ABL1: variants seen among roughly 807,000 people sequenced by gnomAD.
The protein encoded by ABL1 is tyrosine-protein kinase ABL1.
A neutral mutation model predicts 94.7 loss-of-function variants in ABL1; 11 were observed. That is an observed-to-expected ratio of 0.12 (90% CI 0.07 to 0.19). The LOEUF (loss-of-function observed/expected upper bound fraction) is 0.19. ABL1 is among the 10% of genes least tolerant of loss of function. The probability of loss-of-function intolerance (pLI) is 1.00; values close to 1 mark genes in which losing one functional copy is unlikely to be tolerated. For missense variants in ABL1, 1,082 were observed against 1,489.4 expected, an observed-to-expected ratio of 0.73 and a Z score of 4.50; for synonymous variants, 656 against 622.4, an observed-to-expected ratio of 1.05 and a Z score of -0.80.
chr9:130,809,651 C>A (rs369949689), intron 1 of ABL1, among the ~76,000 whole-genome samples: 4 of 152,220 alleles, frequency 2.6e-5, no homozygotes, highest in Admixed American at 2.6e-4. Flanking sequence ...TGTCCCAGTT[C>A]GAAGGCAGTT....
chr9:130,875,445 C>A (rs1420246627), intron 7 of ABL1, among the ~76,000 whole-genome samples: 2 of 132,070 alleles, frequency 1.5e-5, no homozygotes, highest in Admixed American at 1.4e-4. Flanking sequence ...GCACAGCCAC[C>A]CTTTTTTTTT....
At chr9:130,883,605 G>A (rs1280297397) in intron 10 of ABL1, among the ~76,000 whole-genome samples, 17 of 152,044 alleles carry the variant, frequency 1.1e-4, no homozygotes, top group Admixed American at 1.1e-3. Context: ...CTTGAAGGCA[G>A]CAGCCCCCCA....
intron 1 of ABL1, among the ~76,000 whole-genome samples, chr9:130,745,527 C>T (rs1831877880): frequency 6.6e-6 from 1 of 151,538 alleles, no homozygotes; most frequent in African/African-American, 2.4e-5. Flanking sequence ...CTCCTGGTCT[C>T]TCTCTCCCTC....
chr9:130,854,319 G>A (rs955943129), intron 2 of ABL1, 82 bp downstream of exon 2: 16 of 1,474,014 alleles, frequency 1.1e-5, no homozygotes, highest in African/African-American at 7.0e-5. Context: ...CCCTTTGCTC[G>A]TTAAAGGAGC....
chr9:130,883,575 T>C (rs1831504828), intron 10 of ABL1, among the ~76,000 whole-genome samples: 1 of 151,328 alleles, frequency 6.6e-6, no homozygotes, highest in Admixed American at 6.6e-5. Context: ...CCCTGGCCTC[T>C]TCATCCCTGC....
intron 1 of ABL1, among the ~76,000 whole-genome samples, chr9:130,815,468 A>T (rs1439313576): frequency 7.2e-5 from 11 of 151,778 alleles, no homozygotes; most frequent in Non-Finnish European, 1.0e-4. Context: ...ATCTTCCTTG[A>T]CTCTTCTTTT....
chr9:130,791,800 A>T (rs1829911460), intron 1 of ABL1, among the ~76,000 whole-genome samples: 1 of 152,018 alleles, frequency 6.6e-6, no homozygotes, highest in African/African-American at 2.4e-5. Flanking sequence ...AGCCACTACG[A>T]GCTCTCTTTC....
chr9:130,844,795 C>T lies in ABL1; in HGVS notation c.80-9269C>T, dbSNP rs150014903. 3.2e-4 allele frequency among the ~76,000 whole-genome samples: 49 copies of T among 152,264 alleles called. 1 individual carries two copies. In the East Asian group the frequency reaches 9.5e-3, roughly 29 times the overall value. Reference sequence around the variant, plus strand: ...CAGCCTGAATGACAAGAGTGAAACTCGGTTTCCCCACCAAACAAAAAAAGA... The same window carrying T: ...CAGCCTGAATGACAAGAGTGAAACTTGGTTTCCCCACCAAACAAAAAAAGA... On this transcript the variant is annotated intron_variant, in intron 1 of 10. Transcript: ENST00000318560.
intron 1 of ABL1, among the ~76,000 whole-genome samples, chr9:130,747,614 T>C (rs1237073121): frequency 6.6e-6 from 1 of 152,138 alleles, no homozygotes; most frequent in Non-Finnish European, 1.5e-5. Context: ...GGTTTCACCA[T>C]GTTAGCCAGG....
chr9:130,859,786 T>C lies in ABL1; in HGVS notation c.550-2977T>C, dbSNP rs372390259. Among the ~76,000 whole-genome samples the C allele has an allele frequency of 4.8e-5, 7 of 145,802 alleles. No homozygotes were observed. The East Asian group carries it at 1.5e-3, about 32-fold the overall frequency. On this transcript the variant is annotated intron_variant, in intron 3 of 10. Transcript: ENST00000318560. ...ACCTGCGCCTCCCAGGTTCGAGCGA[T>C]TCTCCTGCATCAGCCTCTCAAGTAG...
intron 1 of ABL1, among the ~76,000 whole-genome samples, chr9:130,750,504 T>G (rs1166243021): frequency 6.9e-6 from 1 of 145,886 alleles, no homozygotes; most frequent in African/African-American, 2.5e-5. Flanking sequence ...CAGGCTAGAG[T>G]GCAGTGGCGT....
At chr9:130,727,356 T>C (rs906678628) in intron 1 of ABL1, among the ~76,000 whole-genome samples, 1 of 151,972 alleles carries the variant, frequency 6.6e-6, no homozygotes, top group Non-Finnish European at 1.5e-5. Context: ...TGTGAGCCAC[T>C]GTGCCTGGCG....
chr9:130,854,536 A>G (rs1002419615), intron 2 of ABL1, among the ~76,000 whole-genome samples: 3 of 152,212 alleles, frequency 2.0e-5, no homozygotes, highest in African/African-American at 7.2e-5. Context: ...AATGTCTTAT[A>G]TTAGGAACAG....
At chr9:130,832,428 C>G (rs1182680438), upstream of ABL1, among the ~76,000 whole-genome samples, 1 of 151,978 alleles carries the variant, frequency 6.6e-6, no homozygotes, top group Non-Finnish European at 1.5e-5. Context: ...ATCTTCTGAT[C>G]TTACTCATAT....
At chr9:130,797,719 G>T (rs747499675) in intron 1 of ABL1, among the ~76,000 whole-genome samples, 1 of 152,162 alleles carries the variant, frequency 6.6e-6, no homozygotes, top group Non-Finnish European at 1.5e-5. Context: ...TTAACAGCTT[G>T]CTGGTTAACA....
intron 1 of ABL1, among the ~76,000 whole-genome samples, chr9:130,845,026 A>G (rs981402334): frequency 2.0e-5 from 3 of 152,234 alleles, no homozygotes; most frequent in Non-Finnish European, 2.9e-5. Context: ...GCACTAAGGA[A>G]TTGGCTCAGT....
intron 1 of ABL1, among the ~76,000 whole-genome samples, chr9:130,750,220 T>C (rs1376358371): frequency 8.6e-6 from 1 of 115,656 alleles, no homozygotes; most frequent in African/African-American, 3.1e-5. Flanking sequence ...TATATATATA[T>C]ATATATATAT....
intron 1 of ABL1, among the ~76,000 whole-genome samples, chr9:130,741,827 A>G (rs1831823814): frequency 6.6e-6 from 1 of 152,212 alleles, no homozygotes; most frequent in African/African-American, 2.4e-5. Context: ...CCTAGTGTAG[A>G]GAAAAACAGG....
intron 1 of ABL1, among the ~76,000 whole-genome samples, chr9:130,735,277 G>A (rs1831720284): frequency 6.6e-6 from 1 of 152,148 alleles, no homozygotes; most frequent in Admixed American, 6.5e-5. Context: ...TGATCAGCCT[G>A]CCTCAGCCTC....
Sources: allele counts gnomAD v4.1 joint callset (sites outside exome capture counted in the v4.1 genomes callset), GRCh38; gene constraint gnomAD v4.1.1; transcripts MANE v1.5; gene names NCBI Gene and HGNC (gene_info 2026-07-23, HGNC 2026-07-21).